COL21A1: variants seen among roughly 807,000 people sequenced by gnomAD.
The protein encoded by COL21A1 is collagen type XXI alpha 1 chain, also known as collagen alpha-1(XXI) chain.
Under a neutral mutation model 137.9 loss-of-function variants are expected in COL21A1, and 149 were observed. The ratio of observed to expected loss-of-function variants is 1.08; its 90% CI spans 0.95 to 1.24. The LOEUF is 1.24. COL21A1 is among the 50% of genes most tolerant of loss of function. The pLI, the probability that COL21A1 is intolerant of heterozygous loss-of-function variation, is 0.00. For missense variants in COL21A1, 1,167 were observed against 1,158.4 expected, an observed-to-expected ratio of 1.01 and a Z score of -0.11; for synonymous variants, 456 against 391.5, an observed-to-expected ratio of 1.16 and a Z score of -1.95.
intron 1 of COL21A1, among the ~76,000 whole-genome samples, chr6:56,191,778 G>A (rs1374084173): frequency 1.3e-5 from 2 of 152,078 alleles, no homozygotes; most frequent in African/African-American, 4.8e-5. Flanking sequence ...CATGCTCATG[G>A]AAAGGAAGGA....
chr6:56,250,469 T>C (rs757268862), upstream of COL21A1, among the ~76,000 whole-genome samples: 1 of 152,194 alleles, frequency 6.6e-6, no homozygotes, highest in African/African-American at 2.4e-5. Context: ...CTCTAGGATC[T>C]GAGAACCATC....
chr6:56,060,682 A>G (rs950965892), intron 27 of COL21A1, 59 bp downstream of exon 27: 13 of 1,402,858 alleles, frequency 9.3e-6, no homozygotes, highest in Non-Finnish European at 1.3e-5. Flanking sequence ...ATGTCCTAAG[A>G]ATTTGTATTA....
intron 1 of COL21A1, among the ~76,000 whole-genome samples, chr6:56,204,286 G>A (rs1779607517): frequency 1.3e-5 from 2 of 152,040 alleles, no homozygotes; most frequent in Admixed American, 6.6e-5. Context: ...AGCTTGGTAT[G>A]GGGAGGGGCA....
At chr6:56,095,951 A>G (rs1769277531) in intron 17 of COL21A1, among the ~76,000 whole-genome samples, 1 of 151,968 alleles carries the variant, frequency 6.6e-6, no homozygotes, top group Admixed American at 6.6e-5. Context: ...GGTTCAAGCA[A>G]TTCTCCTGCC....
Position 56,152,517 on chromosome 6 carries a change from A to G in COL21A1, c.1434+4370T>C, listed in dbSNP as rs535746501. 1.2e-4 allele frequency among the ~76,000 whole-genome samples: 18 copies of G among 152,344 alleles called. No individual in the cohort carries two copies. In the South Asian group the frequency reaches 3.7e-3, roughly 32 times the overall value. On this transcript the variant is annotated intron_variant, in intron 10 of 29. Transcript: ENST00000244728. ...CAGATACTACCATAGTTATCTATAT[A>G]TAAAATCATACACACAGACACCAAA...
intron 1 of COL21A1, among the ~76,000 whole-genome samples, chr6:56,378,345 TC>T (rs1043645920): frequency 6.6e-6 from 1 of 151,978 alleles, no homozygotes; most frequent in Non-Finnish European, 1.5e-5. Context: ...CAGAGCCCAT[TC>T]CCCTGAAGAT....
At chr6:56,376,980 C>CTTTTT (rs11396420) in intron 1 of COL21A1, among the ~76,000 whole-genome samples, 1 of 137,790 alleles carries the variant, frequency 7.3e-6, no homozygotes. Context: ...AGAAAAAAGT[C>CTTTTT]TTTTTTTTTT....
chr6:56,142,012 T>G, intron 10 of COL21A1, 29 bp from the exon 11 acceptor site: 2 of 1,415,690 alleles, frequency 1.4e-6, no homozygotes, highest in Non-Finnish European at 1.9e-6. Flanking sequence ...AGAAAAAAAA[T>G]AATATTTCAT....
intron 1 of COL21A1, among the ~76,000 whole-genome samples, chr6:56,202,224 G>A (rs1259638307): frequency 1.3e-5 from 2 of 152,050 alleles, no homozygotes; most frequent in Non-Finnish European, 2.9e-5. Flanking sequence ...AAAAATGCAG[G>A]GGTAAAGGCA....
At chr6:56,370,433 C>T (rs775518609) in intron 1 of COL21A1, among the ~76,000 whole-genome samples, 30 of 152,332 alleles carry the variant, frequency 2.0e-4, no homozygotes, top group Non-Finnish European at 4.0e-4. Context: ...CAGCTAAATA[C>T]AGGTGGTGTT....
chr6:56,110,938 T>A (rs1487073902), intron 16 of COL21A1, among the ~76,000 whole-genome samples: 1 of 152,114 alleles, frequency 6.6e-6, no homozygotes, highest in Non-Finnish European at 1.5e-5. Context: ...CCCTCTAAGA[T>A]TTGGAGCTTA....
intron 18 of COL21A1, 81 bp downstream of exon 18, chr6:56,077,448 T>C (rs976326128): frequency 1.1e-6 from 1 of 917,874 alleles, no homozygotes; most frequent in African/African-American, 1.7e-5. Context: ...TTACCACAAA[T>C]GTAAAACTGT....
At chr6:56,251,668 C>T (rs1782858417), upstream of COL21A1, among the ~76,000 whole-genome samples, 1 of 152,178 alleles carries the variant, frequency 6.6e-6, no homozygotes, top group South Asian at 2.1e-4. Context: ...AGCCCCTGTC[C>T]TCCCTCATGA....
chr6:56,170,696 C>A lies in COL21A1; in HGVS notation c.979G>T (p.Val327Leu). ...DKILLFTTTSVINGSQVVTFA... is the reference protein window; with the variant it reads ...DKILLFTTTSLINGSQVVTFA... ...GTAACCACTTGTGAGCCATTAATTA[C>A]GCTGGTTGTTGTAAATAATAAGATT... Residue 327 changes from valine (V) to leucine (L), a missense_variant, in exon 5 of 30, where the codon GTA becomes TTA. Transcript: ENST00000244728. 1.2e-6 allele frequency: 2 copies of A among 1,605,000 alleles called. No homozygotes were observed. Among genetic ancestry groups the A allele is most frequent in the Non-Finnish European group, 1.7e-6 (2 of 1,174,630 alleles).
At chr6:56,098,612 TATAA>T (rs1397775369) in intron 17 of COL21A1, among the ~76,000 whole-genome samples, 6 of 56,716 alleles carry the variant, frequency 1.1e-4, no homozygotes, top group African/African-American at 6.5e-4. Context: ...TATAAATATA[TATAA>T]ATATATATAA....
intron 1 of COL21A1, among the ~76,000 whole-genome samples, chr6:56,306,866 T>G (rs1166988872): frequency 1.3e-5 from 2 of 152,298 alleles, no homozygotes; most frequent in East Asian, 3.9e-4. Context: ...ATCTACCTTT[T>G]GTCTTTGATG....
chr6:56,392,306 T>C (rs2094031275), intron 1 of COL21A1, among the ~76,000 whole-genome samples: 1 of 152,032 alleles, frequency 6.6e-6, no homozygotes. Context: ...CCCTTCATGA[T>C]AAAAACCCTC....
intron 19 of COL21A1, 118 bp downstream of exon 19, chr6:56,075,361 C>G: frequency 2.8e-6 from 2 of 718,220 alleles, no homozygotes; most frequent in Non-Finnish European, 4.5e-6. Flanking sequence ...ATTCATGGAC[C>G]TCAAATATTT....
At chr6:56,293,958 A>G (rs1447348297) in intron 1 of COL21A1, among the ~76,000 whole-genome samples, 6 of 152,142 alleles carry the variant, frequency 3.9e-5, no homozygotes, top group Non-Finnish European at 8.8e-5. Flanking sequence ...CGCCTTTTGG[A>G]ATTTATCCTG....
Sources: gnomAD v4.1 joint callset for allele counts (sites outside exome capture counted in the v4.1 genomes callset) on GRCh38, gnomAD v4.1.1 for gene constraint, MANE v1.5 for transcripts, NCBI Gene and HGNC (gene_info 2026-07-23, HGNC 2026-07-21) for gene names.